The following STK39 variants were observed in gnomAD, a reference collection of about 807,000 sequenced individuals.
The protein encoded by STK39 is STE20/SPS1-related proline-alanine-rich protein kinase.
A neutral mutation model predicts 77.8 loss-of-function variants in STK39; 20 were observed. The observed-to-expected ratio is 0.26, with a 90% CI of 0.18 to 0.37. The LOEUF (loss-of-function observed/expected upper bound fraction) is 0.37, where lower values mean the gene tolerates loss of function less well. Ranked by LOEUF, STK39 falls within the 10% of genes least tolerant of loss-of-function variation. STK39 has a pLI of 1.00. For synonymous variants in STK39, 246 were observed against 234.1 expected (o/e 1.05, Z -0.47); for missense variants, 479 against 656.5 (o/e 0.73, Z 2.95).
chr2:168,209,797 G>A (rs938540774), intron 1 of STK39, among the ~76,000 whole-genome samples: 32 of 152,266 alleles, frequency 2.1e-4, no homozygotes, highest in Admixed American at 1.4e-3. Flanking sequence ...TCAGGAGTTC[G>A]AGACCAGCCT....
intron 14 of STK39, among the ~76,000 whole-genome samples, chr2:168,020,670 T>C (rs927744145): frequency 5.3e-5 from 8 of 150,856 alleles, no homozygotes; most frequent in Non-Finnish European, 1.0e-4. Context: ...TATAATCATT[T>C]ATTATATATC....
intron 15 of STK39, among the ~76,000 whole-genome samples, chr2:168,013,434 T>C (rs1352718901): frequency 6.6e-6 from 1 of 152,202 alleles, no homozygotes; most frequent in African/African-American, 2.4e-5. Flanking sequence ...GAAGGCTTTG[T>C]AAAGGGAAAT....
chr2:167,993,416 G>A (rs1385040642), intron 16 of STK39, among the ~76,000 whole-genome samples: 1 of 152,214 alleles, frequency 6.6e-6, no homozygotes, highest in Non-Finnish European at 1.5e-5. Flanking sequence ...GCCAGGTGTG[G>A]TGGCTCGTGC....
chr2:168,229,148 T>C (rs1386423136), intron 1 of STK39, among the ~76,000 whole-genome samples: 2 of 151,908 alleles, frequency 1.3e-5, no homozygotes, highest in African/African-American at 4.8e-5. Context: ...GGCGGGTGGA[T>C]CACAAGGTCA....
chr2:168,247,399 G>T lies in STK39; in HGVS notation c.37C>A (p.Leu13Ile). ...GTCACCGGGGCCGCCTGCTGGGGAA[G>T]CTGGACGTGCACGGGCGAGCCGCTC... ...EPSGSPVHVQ[L>I]PQQAAPVTAA... The change falls in exon 1 of 18, where the codon CTT becomes ATT. Residue 13 changes from leucine to isoleucine, a missense_variant. Leu to Ile is a conservative substitution (Grantham distance 5). Transcript: ENST00000355999. 1 of 1,182,392 alleles carries T rather than the reference G, an allele frequency of 8.5e-7. No homozygotes were observed. The highest frequency in any genetic ancestry group is 3.7e-5 in the Admixed American group (1 of 27,352). The allele number at this position is 1,182,392 out of a possible 1,614,324, so 73.2% of individuals were successfully genotyped here. A position where few individuals can be genotyped will look rare whatever the true frequency, so the allele number is the denominator to read the frequency against.
rs200257510 is a variant in STK39, at chr2:168,140,726, C to T, written c.661G>A (p.Gly221Ser). 169 of 1,609,782 alleles carry T rather than the reference C, an allele frequency of 1.0e-4. No individual in the cohort carries two copies. In the East Asian group the frequency reaches 3.4e-3, roughly 32 times the overall value. The change falls in exon 6 of 18, where the codon GGT becomes AGT. Residue 221 changes from glycine (G) to serine (S), a missense_variant. Gly to Ser is a moderately conservative substitution (Grantham distance 56). Around this residue, in one of 3 missense-constraint regions of STK39, gnomAD observed 139 missense variants for 280.6 expected, o/e 0.50. Transcript: ENST00000355999. ...CTTACTTTATTTCGGGTAACATCAC[C>T]CCCTGTTGCTAGGAACGCACTTACC... ...FGVSAFLATGGDVTRNKVRKT... is the reference protein window; with the variant it reads ...FGVSAFLATGSDVTRNKVRKT...
At chr2:168,172,416 C>T (rs1688851729) in intron 2 of STK39, among the ~76,000 whole-genome samples, 1 of 152,160 alleles carries the variant, frequency 6.6e-6, no homozygotes, top group African/African-American at 2.4e-5. Context: ...TTGTCTCAAC[C>T]CATGTTTTTC....
chr2:168,234,972 G>T (rs1422395450), intron 1 of STK39, among the ~76,000 whole-genome samples: 1 of 148,702 alleles, frequency 6.7e-6, no homozygotes, highest in African/African-American at 2.5e-5. Context: ...GGGCAACATA[G>T]TAAGATTCCA....
At chr2:168,200,547 T>C (rs1689587346) in intron 1 of STK39, among the ~76,000 whole-genome samples, 1 of 151,998 alleles carries the variant, frequency 6.6e-6, no homozygotes, top group African/African-American at 2.4e-5. Flanking sequence ...TGTGGTGGCA[T>C]GCGCCTGTAA....
intron 12 of STK39, among the ~76,000 whole-genome samples, chr2:168,068,914 G>A (rs765704013): frequency 2.6e-5 from 4 of 152,102 alleles, no homozygotes; most frequent in East Asian, 1.9e-4. Flanking sequence ...ACATGTTTTC[G>A]TAGAAATATT....
chr2:168,097,105 A>G (rs1000803481), intron 10 of STK39, among the ~76,000 whole-genome samples: 4 of 152,188 alleles, frequency 2.6e-5, no homozygotes, highest in African/African-American at 9.7e-5. Flanking sequence ...TTTTACCAAC[A>G]CTCTGAAACA....
At chr2:168,093,038 TC>T (rs556154401) in intron 10 of STK39, among the ~76,000 whole-genome samples, 92 of 152,266 alleles carry the variant, frequency 6.0e-4, no homozygotes, top group Non-Finnish European at 1.1e-3. Flanking sequence ...CCTGTGCATC[TC>T]CCCCTGGAAG....
chr2:168,102,445 T>C (rs532665867), intron 10 of STK39, among the ~76,000 whole-genome samples: 2 of 152,308 alleles, frequency 1.3e-5, no homozygotes, highest in East Asian at 1.9e-4. Context: ...CTGTTGGGTA[T>C]ACAAGGAAAC....
intron 10 of STK39, among the ~76,000 whole-genome samples, chr2:168,085,849 G>A (rs1686352614): frequency 1.3e-5 from 2 of 152,268 alleles, no homozygotes; most frequent in South Asian, 4.2e-4. Context: ...GCAGAAGTGA[G>A]GGAAGGTCAG....
At chr2:168,103,309 TGC>T (rs1686884804) in intron 10 of STK39, among the ~76,000 whole-genome samples, 1 of 152,248 alleles carries the variant, frequency 6.6e-6, no homozygotes. Context: ...CTACACTGTT[TGC>T]ATCTTTGTAA....
rs1328441050 is a variant in STK39, at chr2:167,964,638, TTCTTTCCATA to T, written c.1563+14_1563+23del. ...CACAGCATGGCAAAATATTACCTCCTTCTTTCCATAACTTTCCACTTACCAACTTAAATGT... is the reference window on the plus strand; with the variant it reads ...CACAGCATGGCAAAATATTACCTCCTACTTTCCACTTACCAACTTAAATGT... On this transcript the variant is annotated intron_variant, in intron 17 of 17. Coordinates refer to ENST00000355999, the MANE Select transcript of STK39 (RefSeq NM_013233.3). The T allele has an allele frequency of 6.3e-7, 1 of 1,595,122 alleles. No individual in the cohort carries two copies. The highest frequency in any genetic ancestry group is 1.1e-5 in the South Asian group (1 of 89,682).
intron 1 of STK39, among the ~76,000 whole-genome samples, chr2:168,206,479 T>G (rs1288464072): frequency 1.3e-5 from 2 of 152,238 alleles, no homozygotes; most frequent in East Asian, 3.9e-4. Flanking sequence ...TTTCGTTATT[T>G]TTATTAGAGA....
In STK39 at chr2:168,063,579, A is replaced by G. The variant is rs762180104; in HGVS notation, c.1306-9T>C. 1 of 1,608,408 alleles carries G rather than the reference A, an allele frequency of 6.2e-7. No homozygotes were observed. Among genetic ancestry groups the G allele is most frequent in the East Asian group, 2.2e-5 (1 of 44,810 alleles). ...TTAGCATTGGGTGGGCCCTTTAAAAAGAAAACAGCAAACAGTGTTATAAAC... is the reference window on the plus strand; with the variant it reads ...TTAGCATTGGGTGGGCCCTTTAAAAGGAAAACAGCAAACAGTGTTATAAAC... On this transcript the variant is annotated splice_polypyrimidine_tract_variant and intron_variant, in intron 13 of 17. Transcript: ENST00000355999.
At chr2:168,069,954 A>T (rs1685896861) in intron 12 of STK39, among the ~76,000 whole-genome samples, 1 of 152,236 alleles carries the variant, frequency 6.6e-6, no homozygotes, top group Non-Finnish European at 1.5e-5. Flanking sequence ...AAATTTAAAG[A>T]TAAAGTCAAT....
Sources: allele counts gnomAD v4.1 joint callset (sites outside exome capture counted in the v4.1 genomes callset), GRCh38; gene constraint gnomAD v4.1.1; regional missense constraint gnomAD v4.1.1; transcripts MANE v1.5; gene names NCBI Gene and HGNC (gene_info 2026-07-23, HGNC 2026-07-21).